The following NR5A2 variants were observed in gnomAD, a reference collection of about 807,000 sequenced individuals.
NR5A2 encodes the protein nuclear receptor subfamily 5 group A member 2, also known as CYP7A promoter-binding factor.
NR5A2 carries 26 observed loss-of-function variants against 62.7 expected under a neutral mutation model. The ratio of observed to expected loss-of-function variants is 0.41; its 90% CI spans 0.30 to 0.58. NR5A2 has a LOEUF of 0.58. Ranked by LOEUF, NR5A2 falls within the 20% of genes least tolerant of loss-of-function variation. NR5A2 has a pLI of 0.22. For missense variants in NR5A2, 541 were observed against 669.1 expected (o/e 0.81, Z 2.11); for synonymous variants, 246 against 241.7 (o/e 1.02, Z -0.16).
chr1:200,116,939 T>G (rs1218822051), intron 6 of NR5A2, among the ~76,000 whole-genome samples: 1 of 152,214 alleles, frequency 6.6e-6, no homozygotes, highest in African/African-American at 2.4e-5. Flanking sequence ...AAGGGAAAGG[T>G]CTACTGGCAA....
At chr1:200,086,041 G>A (rs1664511460) in intron 5 of NR5A2, among the ~76,000 whole-genome samples, 1 of 152,108 alleles carries the variant, frequency 6.6e-6, no homozygotes, top group Non-Finnish European at 1.5e-5. Flanking sequence ...ATAGAGGGTG[G>A]TGAGATGGGG....
At chr1:200,101,765 T>C (rs754192249) in intron 5 of NR5A2, among the ~76,000 whole-genome samples, 2 of 152,164 alleles carry the variant, frequency 1.3e-5, no homozygotes, top group Admixed American at 1.3e-4. Flanking sequence ...GTGACAAAAT[T>C]CCTGAGTCCC....
intron 7 of NR5A2, among the ~76,000 whole-genome samples, chr1:200,127,388 TC>T (rs1385038666): frequency 2.0e-5 from 3 of 151,880 alleles, no homozygotes; most frequent in Admixed American, 2.0e-4. Flanking sequence ...AAATACAGTA[TC>T]CAAAAGGCCG....
chr1:200,136,223 CTTTTTTTTTT>C (rs1015637570), intron 7 of NR5A2, among the ~76,000 whole-genome samples: 1 of 145,292 alleles, frequency 6.9e-6, no homozygotes, highest in Non-Finnish European at 1.5e-5. Context: ...TTTTTTCTTT[CTTTTTTTTTT>C]TTGGAGATGG....
chr1:200,094,331 C>G (rs1176843955), intron 5 of NR5A2, among the ~76,000 whole-genome samples: 2 of 150,936 alleles, frequency 1.3e-5, no homozygotes, highest in Admixed American at 1.3e-4. Context: ...GTTACAGGCG[C>G]GGGCTACCAC....
chr1:200,063,865 C>T (rs1663344254), intron 5 of NR5A2, among the ~76,000 whole-genome samples: 1 of 152,120 alleles, frequency 6.6e-6, no homozygotes, highest in Non-Finnish European at 1.5e-5. Flanking sequence ...TGCTAAATTG[C>T]TGGAGACATG....
chr1:200,047,243 A>G (rs1011979698), intron 4 of NR5A2, among the ~76,000 whole-genome samples: 7 of 152,226 alleles, frequency 4.6e-5, no homozygotes, highest in African/African-American at 1.7e-4. Flanking sequence ...AGCTTCTGAA[A>G]TGAATTTGTT....
intron 7 of NR5A2, among the ~76,000 whole-genome samples, chr1:200,136,114 G>C (rs1667208865): frequency 6.6e-6 from 1 of 152,102 alleles, no homozygotes; most frequent in Admixed American, 6.6e-5. Context: ...AAACAATTAG[G>C]CCTCTTCCTA....
intron 7 of NR5A2, among the ~76,000 whole-genome samples, chr1:200,133,518 TATATATATACACACAC>T (rs770355192): frequency 0.059 from 6,803 of 114,574 alleles, 235 homozygotes; most frequent in African/African-American, 0.11. Flanking sequence ...TATATATATA[TATATATATACACACAC>T]ATATATATAT....
At chr1:200,086,884 C>T (rs976969522) in intron 5 of NR5A2, among the ~76,000 whole-genome samples, 1 of 151,896 alleles carries the variant, frequency 6.6e-6, no homozygotes, top group African/African-American at 2.4e-5. Flanking sequence ...ACTAAAAATA[C>T]AAAAATTAGC....
Position 200,039,377 on chromosome 1 carries a change from G to A in NR5A2, c.65-281G>A, listed in dbSNP as rs1371948955. Reference sequence around the variant, plus strand: ...CGGCGGTTCACGGCTCCGCGCCCCGGGCAGCTGCGTCCTCGCCACCGCCGC... The same window carrying A: ...CGGCGGTTCACGGCTCCGCGCCCCGAGCAGCTGCGTCCTCGCCACCGCCGC... On this transcript the variant is annotated intron_variant, in intron 1 of 7. Coordinates refer to ENST00000367362, the MANE Select transcript of NR5A2 (RefSeq NM_205860.3). The surrounding 1 kb of genome is among the most constrained non-coding windows in gnomAD (Gnocchi z 5.1). Among the ~76,000 whole-genome samples, 1 of 151,936 alleles carries A rather than the reference G, an allele frequency of 6.6e-6. No individual in the cohort carries two copies.
intron 7 of NR5A2, among the ~76,000 whole-genome samples, chr1:200,155,928 C>A (rs542159323): frequency 6.6e-6 from 1 of 152,298 alleles, no homozygotes; most frequent in South Asian, 2.1e-4. Context: ...CCCGCTTAGT[C>A]TCCCCAAGTG....
intron 5 of NR5A2, among the ~76,000 whole-genome samples, chr1:200,084,681 C>A (rs1466323368): frequency 2.6e-5 from 4 of 152,194 alleles, no homozygotes; most frequent in Non-Finnish European, 5.9e-5. Context: ...TAATGAATAA[C>A]AAGTTTTATC....
Position 200,053,579 on chromosome 1 carries a change from A to G in NR5A2, c.1110+4761A>G, listed in dbSNP as rs994081881. On this transcript the variant is annotated intron_variant, in intron 5 of 7. Coordinates refer to ENST00000367362, the MANE Select transcript of NR5A2 (RefSeq NM_205860.3). ...CCCCAGCATGCACACGCACACACAC[A>G]CACACACACACACACACACACACAC... is the stretch of plus-strand genomic sequence containing the variant. Among the ~76,000 whole-genome samples the G allele has an allele frequency of 1.1e-3, 170 of 150,700 alleles. 2 individuals carry two copies. The South Asian group carries it at 0.015, about 13-fold the overall frequency.
rs951188707 is a variant in NR5A2, at chr1:200,120,884, C to T, written c.1307C>T (p.Ala436Val). ...ATGAGTCATGCACAGGAGTTAGTGG[C>T]AAAACTTCGTTCTCTCCAGTTTGAT... ...NLMSHAQELV[A>V]KLRSLQFDQR... The change falls in exon 7 of 8, where the codon GCA becomes GTA. Residue 436 changes from alanine (A) to valine (V), a missense_variant. Physicochemically the swap from Ala to Val is moderately conservative, Grantham distance 64. This residue lies in a region of NR5A2 where 379 missense variants were observed against 442.0 expected (regional missense o/e 0.86). Transcript: ENST00000367362. 1 of 1,611,706 alleles carries T rather than the reference C, an allele frequency of 6.2e-7. No individual in the cohort carries two copies. The highest frequency in any genetic ancestry group is 8.5e-7 in the Non-Finnish European group (1 of 1,179,106).
At position 200,037,412 on chromosome 1, in the gene NR5A2, G is replaced by A. The variant is rs139188785; in HGVS notation, c.65-2246G>A. On this transcript the variant is annotated intron_variant, in intron 1 of 7. Transcript: ENST00000367362. Reference sequence around the variant, plus strand: ...GAGTCCTGCATCCTTGCCATGCTAGGGTCTGGGAAAGGTGCTGTATCATAA... The same window carrying A: ...GAGTCCTGCATCCTTGCCATGCTAGAGTCTGGGAAAGGTGCTGTATCATAA... 5.2e-4 allele frequency among the ~76,000 whole-genome samples: 79 copies of A among 152,280 alleles called. 1 individual carries two copies. In the East Asian group the frequency reaches 0.015, roughly 29 times the overall value.
At chr1:200,111,171 T>G (rs1553273653) in intron 5 of NR5A2, 31 bp from the exon 6 acceptor site, 5 of 1,597,672 alleles carry the variant, frequency 3.1e-6, no homozygotes, top group Middle Eastern at 1.7e-4. Context: ...TTTTTGTTTT[T>G]TTTGTTTGTT....
intron 7 of NR5A2, among the ~76,000 whole-genome samples, chr1:200,148,741 A>G (rs1245479111): frequency 2.6e-5 from 4 of 152,194 alleles, no homozygotes; most frequent in Non-Finnish European, 4.4e-5. Context: ...TCTTTAATAT[A>G]TTTTAGTAGC....
chr1:200,104,906 G>T lies in NR5A2; in HGVS notation c.1111-6296G>T, dbSNP rs1665572637. Among the ~76,000 whole-genome samples, 3 of 152,248 alleles carry T rather than the reference G, an allele frequency of 2.0e-5. No homozygotes were observed. In the South Asian group the frequency reaches 6.2e-4, roughly 32 times the overall value. On this transcript the variant is annotated intron_variant, in intron 5 of 7. Coordinates refer to ENST00000367362, the MANE Select transcript of NR5A2 (RefSeq NM_205860.3). The stretch of plus-strand genomic sequence containing the variant: ...TCGAATTCCCGACCTCAAGTAGTCT[G>T]CCTGCCTCGGCCTCCCAAAATGCTG...
Sources: gnomAD v4.1 joint callset for allele counts (sites outside exome capture counted in the v4.1 genomes callset) on GRCh38, gnomAD v4.1.1 for gene constraint, gnomAD v4.1.1 regional missense constraint, Gnocchi (gnomAD v3.1) non-coding constraint, MANE v1.5 for transcripts, NCBI Gene and HGNC (gene_info 2026-07-23, HGNC 2026-07-21) for gene names.